DDX4: variants seen among roughly 807,000 people sequenced by gnomAD.
DDX4 encodes probable ATP-dependent RNA helicase DDX4.
In DDX4, 25 loss-of-function variants were observed where a neutral mutation model predicts 100.0. That is an observed-to-expected ratio of 0.25 (90% confidence interval 0.18 to 0.35). The LOEUF is 0.35. Ranked by LOEUF, DDX4 falls within the 10% of genes least tolerant of loss-of-function variation. DDX4 has a pLI of 1.00. For missense variants in DDX4, 635 were observed against 882.4 expected (o/e 0.72, Z 3.55); for synonymous variants, 259 against 275.7 (o/e 0.94, Z 0.60).
chr5:55,744,625 A>AATGT (rs1406228092), intron 2 of DDX4, among the ~76,000 whole-genome samples: 2 of 152,248 alleles, frequency 1.3e-5, no homozygotes, highest in Non-Finnish European at 2.9e-5. Flanking sequence ...TACCACTGCT[A>AATGT]ATGTAATGCA....
At position 55,785,282 on chromosome 5, in the gene DDX4, G is replaced by T; in HGVS notation, c.626-15G>T. On this transcript the variant is annotated splice_polypyrimidine_tract_variant and intron_variant, in intron 10 of 21. Coordinates refer to ENST00000505374, the MANE Select transcript of DDX4 (RefSeq NM_024415.3). The stretch of plus-strand genomic sequence containing the variant: ...TACATCTTGACCGATTGTCACTTAT[G>T]AATTTCTTTAATAGGTGGTTACAAA... 7 of 1,564,060 alleles carry T rather than the reference G, an allele frequency of 4.5e-6. No homozygotes were observed. The highest frequency in any genetic ancestry group is 6.2e-6 in the Non-Finnish European group (7 of 1,136,442).
intron 16 of DDX4, 146 bp downstream of exon 16, chr5:55,790,851 A>G: frequency 1.4e-6 from 1 of 718,064 alleles, no homozygotes; most frequent in Admixed American, 2.6e-5. Context: ...GCATTCTTAT[A>G]TAATTCTCAA....
At position 55,798,588 on chromosome 5, in the gene DDX4, C is replaced by G. The variant is rs200900572; in HGVS notation, c.1615+17C>G. The G allele has an allele frequency of 2.6e-6, 4 of 1,556,466 alleles. No individual in the cohort carries two copies. The highest frequency in any genetic ancestry group is 2.0e-5 in the Admixed American group (1 of 48,938). ...GAAACATAGGTATCTTACGTTGATA[C>G]ATTTTTTTGTCATGATTTTGATTTT... On this transcript the variant is annotated intron_variant, in intron 18 of 21. Coordinates refer to ENST00000505374, the MANE Select transcript of DDX4 (RefSeq NM_024415.3).
chr5:55,789,697 C>T (rs1742439819), intron 15 of DDX4, among the ~76,000 whole-genome samples: 1 of 152,204 alleles, frequency 6.6e-6, no homozygotes, highest in Admixed American at 6.5e-5. Flanking sequence ...AAAATTATTA[C>T]AAATTTCAAG....
At chr5:55,780,981 C>T in intron 8 of DDX4, 85 bp from the exon 9 acceptor site, 15 of 1,203,680 alleles carry the variant, frequency 1.2e-5, no homozygotes, top group South Asian at 4.7e-5. Flanking sequence ...CTTCTGATAC[C>T]ATAACTTGAT....
At chr5:55,815,454 C>T in intron 21 of DDX4, 31 bp downstream of exon 21, 1 of 1,590,552 alleles carries the variant, frequency 6.3e-7, no homozygotes, top group Non-Finnish European at 8.5e-7. Flanking sequence ...GAGAACTTGT[C>T]TTCTAGTTAC....
chr5:55,781,030 AGTAAT>A (rs756954954), intron 8 of DDX4, 31 bp from the exon 9 acceptor site: 1 of 1,567,874 alleles, frequency 6.4e-7, no homozygotes, highest in South Asian at 1.2e-5. Context: ...ACTTCTTCAA[AGTAAT>A]GTAATCTAAT....
At chr5:55,786,457 C>T in intron 13 of DDX4, 61 bp from the exon 14 acceptor site, 1 of 1,338,158 alleles carries the variant, frequency 7.5e-7, no homozygotes, top group Non-Finnish European at 1.0e-6. Context: ...ATGAAATATG[C>T]TTATAAATGA....
chr5:55,798,750 A>AT (rs1198234591), intron 18 of DDX4, among the ~76,000 whole-genome samples, 179 bp downstream of exon 18: 1 of 152,208 alleles, frequency 6.6e-6, no homozygotes, highest in East Asian at 1.9e-4. Flanking sequence ...TTATATAAAA[A>AT]TATGGTCGTT....
chr5:55,792,610 T>A (rs1742650424), intron 16 of DDX4, 31 bp from the exon 17 acceptor site: 2 of 1,253,886 alleles, frequency 1.6e-6, no homozygotes, highest in Admixed American at 2.5e-5. Context: ...AATATGCATT[T>A]TCTGTTTTAC....
chr5:55,746,494 G>GCAT (rs371211865), intron 3 of DDX4, among the ~76,000 whole-genome samples: 1,746 of 152,254 alleles, frequency 0.011, 36 homozygotes, highest in African/African-American at 0.039. Context: ...GGCTGCTAGG[G>GCAT]CATCATCATC....
intron 18 of DDX4, among the ~76,000 whole-genome samples, chr5:55,804,782 C>T (rs1411911016): frequency 3.9e-5 from 6 of 152,018 alleles, no homozygotes; most frequent in Non-Finnish European, 8.8e-5. Context: ...GTTCTTTTGG[C>T]TTAGGATTGA....
chr5:55,817,145 T>G lies in DDX4; in HGVS notation c.*605T>G, dbSNP rs1744464752. On this transcript the variant is annotated 3_prime_UTR_variant, in exon 22 of 22. Coordinates refer to ENST00000505374, the MANE Select transcript of DDX4 (RefSeq NM_024415.3). ...AATAAAGGATGAAACACTTTTCCCTTAAGTTTTCCATCAGCACTTTAAATT... is the reference window on the plus strand; with the variant it reads ...AATAAAGGATGAAACACTTTTCCCTGAAGTTTTCCATCAGCACTTTAAATT... The G allele has an allele frequency of 6.6e-6, 1 of 152,252 alleles. No individual in the cohort carries two copies. Among genetic ancestry groups the G allele is most frequent in the Admixed American group, 6.5e-5 (1 of 15,282 alleles). The allele number at this position is 152,252 out of a possible 1,614,324, so 9.4% of individuals were successfully genotyped here. A position where few individuals can be genotyped will look rare whatever the true frequency, so the allele number is the denominator to read the frequency against.
chr5:55,807,847 C>G (rs1331562843), intron 18 of DDX4, among the ~76,000 whole-genome samples: 1 of 152,086 alleles, frequency 6.6e-6, no homozygotes, highest in African/African-American at 2.4e-5. Context: ...TTCTCTCTTT[C>G]CTGAATTTGA....
chr5:55,779,358 G>T (rs1407168885), intron 7 of DDX4, among the ~76,000 whole-genome samples: 1 of 152,066 alleles, frequency 6.6e-6, no homozygotes, highest in Non-Finnish European at 1.5e-5. Context: ...AGTATAAATA[G>T]TTGCAAGTTT....
chr5:55,783,009 C>G (rs1406767785), intron 10 of DDX4, among the ~76,000 whole-genome samples: 2 of 151,938 alleles, frequency 1.3e-5, no homozygotes, highest in Non-Finnish European at 2.9e-5. Flanking sequence ...CCAGGCTGGT[C>G]TCAAACTCCT....
chr5:55,745,711 C>G (rs1759214412), intron 2 of DDX4, among the ~76,000 whole-genome samples: 1 of 152,204 alleles, frequency 6.6e-6, no homozygotes, highest in Non-Finnish European at 1.5e-5. Context: ...ACGAGAGCCA[C>G]CACACCCAGC....
At chr5:55,791,076 G>A (rs771569394) in intron 16 of DDX4, among the ~76,000 whole-genome samples, 4 of 152,182 alleles carry the variant, frequency 2.6e-5, no homozygotes, top group South Asian at 2.1e-4. Flanking sequence ...ACATGTCTTG[G>A]GGAAATAGTT....
chr5:55,752,263 A>G (rs1759607969), intron 3 of DDX4, among the ~76,000 whole-genome samples: 2 of 150,304 alleles, frequency 1.3e-5, no homozygotes, highest in African/African-American at 2.4e-5. Context: ...TACATGTGCC[A>G]TGCTGGTGCG....
Sources: allele counts gnomAD v4.1 joint callset (sites outside exome capture counted in the v4.1 genomes callset), GRCh38; gene constraint gnomAD v4.1.1; transcripts MANE v1.5; gene names NCBI Gene and HGNC (gene_info 2026-07-23, HGNC 2026-07-21).